FER: variants seen among roughly 807,000 people sequenced by gnomAD.
FER encodes tyrosine-protein kinase Fer.
Under a neutral mutation model 111.0 loss-of-function variants are expected in FER, and 63 were observed. The ratio of observed to expected loss-of-function variants is 0.57; its 90% CI spans 0.46 to 0.70. The LOEUF (loss-of-function observed/expected upper bound fraction) is 0.70, where lower values mean the gene tolerates loss of function less well. FER is among the 30% of genes least tolerant of loss of function. The pLI is 0.00. For missense variants in FER, 914 were observed against 954.0 expected (o/e 0.96, Z 0.55); for synonymous variants, 327 against 313.9 (o/e 1.04, Z -0.44).
intron 13 of FER, among the ~76,000 whole-genome samples, chr5:109,025,934 A>G (rs1768665027): frequency 6.6e-6 from 1 of 152,126 alleles, no homozygotes; most frequent in Non-Finnish European, 1.5e-5. Context: ...CTGTATCAGC[A>G]TTTTTTCACT....
At chr5:109,005,264 A>G (rs1439766502) in intron 13 of FER, among the ~76,000 whole-genome samples, 1 of 152,030 alleles carries the variant, frequency 6.6e-6, no homozygotes, top group Non-Finnish European at 1.5e-5. Flanking sequence ...CCTCAAGTGA[A>G]GTCTGAGGAG....
chr5:108,969,622 CTG>C (rs1435356203), intron 13 of FER, among the ~76,000 whole-genome samples: 3 of 133,878 alleles, frequency 2.2e-5, no homozygotes, highest in Non-Finnish European at 4.4e-5. Flanking sequence ...TTTTTGAACA[CTG>C]TGAATGTATT....
chr5:109,144,741 T>TGGACTTA (rs1753893266), intron 17 of FER, among the ~76,000 whole-genome samples: 1 of 152,038 alleles, frequency 6.6e-6, no homozygotes, highest in African/African-American at 2.4e-5. Flanking sequence ...GTTGTTTGGA[T>TGGACTTA]GGACCTAGGA....
At chr5:108,966,540 A>T (rs890745585) in intron 13 of FER, among the ~76,000 whole-genome samples, 3 of 151,808 alleles carry the variant, frequency 2.0e-5, no homozygotes, top group African/African-American at 4.8e-5. Context: ...GGCACGTGCC[A>T]CCACGCCGGG....
intron 17 of FER, among the ~76,000 whole-genome samples, chr5:109,132,886 A>G (rs935947845): frequency 6.6e-5 from 10 of 152,164 alleles, no homozygotes; most frequent in African/African-American, 2.4e-4. Context: ...ATAAAGAACA[A>G]ATCAGGAGCA....
intron 10 of FER, among the ~76,000 whole-genome samples, chr5:108,943,670 A>G (rs1241355507): frequency 1.3e-5 from 2 of 152,068 alleles, no homozygotes; most frequent in African/African-American, 2.4e-5. Context: ...AAAACTTGAT[A>G]GGTATGATTT....
chr5:108,800,729 T>G (rs1756548453), intron 3 of FER, among the ~76,000 whole-genome samples: 1 of 152,224 alleles, frequency 6.6e-6, no homozygotes, highest in East Asian at 1.9e-4. Flanking sequence ...AAGAGGATTG[T>G]GCTTTTCGTA....
intron 17 of FER, among the ~76,000 whole-genome samples, chr5:109,171,612 A>G (rs1372932626): frequency 6.6e-6 from 1 of 152,214 alleles, no homozygotes; most frequent in South Asian, 2.1e-4. Context: ...ATTGCATCCA[A>G]GTATAACATT....
intron 17 of FER, among the ~76,000 whole-genome samples, chr5:109,134,694 A>C (rs1183618675): frequency 6.6e-6 from 1 of 152,160 alleles, no homozygotes; most frequent in Non-Finnish European, 1.5e-5. Flanking sequence ...GAGAAGAGGG[A>C]TATATAGTCT....
At chr5:109,043,687 C>T (rs1310624823) in intron 14 of FER, among the ~76,000 whole-genome samples, 3 of 152,022 alleles carry the variant, frequency 2.0e-5, no homozygotes, top group Non-Finnish European at 4.4e-5. Flanking sequence ...AAAATGTTTG[C>T]ATATGCCAGG....
At chr5:108,751,179 C>T (rs902438072) in intron 1 of FER, among the ~76,000 whole-genome samples, 5 of 151,590 alleles carry the variant, frequency 3.3e-5, no homozygotes, top group Non-Finnish European at 5.9e-5. Context: ...GTAACAAGAC[C>T]GAAACTCCAT....
intron 10 of FER, among the ~76,000 whole-genome samples, chr5:108,930,894 G>C (rs143507372): frequency 6.6e-6 from 1 of 151,980 alleles, no homozygotes; most frequent in Non-Finnish European, 1.5e-5. Context: ...GATCACACGC[G>C]TGAGCCAACG....
chr5:108,861,776 TA>T (rs1348840226), intron 5 of FER, among the ~76,000 whole-genome samples: 1 of 152,192 alleles, frequency 6.6e-6, no homozygotes, highest in African/African-American at 2.4e-5. Flanking sequence ...TTTTGTTAAG[TA>T]AAAGGAATTT....
rs182290822 is a variant in FER at position 108,944,455 on chromosome 5, A to G, written c.1237-1675A>G. ...GCCATTACTTGAGGTGAGTAAAATG[A>G]GAGTATCACCACCAGCCCTGCCAGG... On this transcript the variant is annotated intron_variant, in intron 10 of 19. Transcript: ENST00000281092. Among the ~76,000 whole-genome samples the G allele has an allele frequency of 2.0e-5, 3 of 152,244 alleles. No individual in the cohort carries two copies. The East Asian group carries it at 5.8e-4, about 29-fold the overall frequency.
intron 17 of FER, among the ~76,000 whole-genome samples, chr5:109,178,491 C>G (rs773854378): frequency 6.6e-6 from 1 of 152,192 alleles, no homozygotes; most frequent in South Asian, 2.1e-4. Context: ...ATCCTATACA[C>G]GACTAAAGTG....
chr5:109,076,777 C>A (rs1776394483), intron 16 of FER, among the ~76,000 whole-genome samples: 1 of 152,096 alleles, frequency 6.6e-6, no homozygotes, highest in African/African-American at 2.4e-5. Context: ...GTTAGGTTCC[C>A]TGTAATAGCA....
chr5:109,186,049 C>G, intron 18 of FER, 151 bp from the exon 19 acceptor site: 1 of 1,090,070 alleles, frequency 9.2e-7, no homozygotes, highest in Non-Finnish European at 1.4e-6. Flanking sequence ...TTTTTTAGCT[C>G]CATTATACTG....
chr5:108,879,661 A>G lies in FER; in HGVS notation c.924-3735A>G, dbSNP rs182724476. Among the ~76,000 whole-genome samples the G allele has an allele frequency of 1.1e-3, 151 of 137,202 alleles. 2 individuals are homozygous for G. In the East Asian group the frequency reaches 0.029, roughly 26 times the overall value. 90.0% of individuals were successfully genotyped at this position (137,202 alleles called of 152,430 possible). A position where few individuals can be genotyped will look rare whatever the true frequency, so the allele number is the denominator to read the frequency against. ...TAAGGGGATAATGGTAAGAAAGAGT[A>G]AATACTTTCACCATATGTATTTTTT... is the stretch of plus-strand genomic sequence containing the variant. On this transcript the variant is annotated intron_variant, in intron 8 of 19. Coordinates refer to ENST00000281092, the MANE Select transcript of FER (RefSeq NM_005246.4).
At chr5:108,871,545 A>G (rs1312522312) in intron 7 of FER, 43 bp downstream of exon 7, 1 of 1,456,076 alleles carries the variant, frequency 6.9e-7, no homozygotes, top group Non-Finnish European at 9.3e-7. Flanking sequence ...TGACAGTATT[A>G]TTTTTCATTC....
Sources: allele counts gnomAD v4.1 joint callset (sites outside exome capture counted in the v4.1 genomes callset), GRCh38; gene constraint gnomAD v4.1.1; transcripts MANE v1.5; gene names NCBI Gene and HGNC (gene_info 2026-07-23, HGNC 2026-07-21).